Variants in MAP3K7CL observed in about 807,000 individuals in gnomAD.
MAP3K7CL encodes MAP3K7 C-terminal like, also known as MAP3K7 C-terminal-like protein.
Under a neutral mutation model 18.6 loss-of-function variants are expected in MAP3K7CL, and 16 were observed. That is an observed-to-expected ratio of 0.86 (90% CI 0.58 to 1.31). MAP3K7CL has a LOEUF of 1.31. Ranked by LOEUF, MAP3K7CL falls within the 50% of genes most tolerant of loss-of-function variation. MAP3K7CL has a pLI of 0.00. For missense variants in MAP3K7CL, 163 were observed against 174.4 expected, an observed-to-expected ratio of 0.93 and a Z score of 0.37; for synonymous variants, 65 against 66.8, an observed-to-expected ratio of 0.97 and a Z score of 0.13.
In MAP3K7CL at chr21:29,099,419, T is replaced by C. The variant is rs558073974; in HGVS notation, c.370+6838T>C. Among the ~76,000 whole-genome samples the C allele has an allele frequency of 2.5e-3, 387 of 152,180 alleles. 1 individual carries two copies. Among genetic ancestry groups the C allele is most frequent in the African/African-American group, 8.4e-3 (349 of 41,512 alleles). The stretch of plus-strand genomic sequence containing the variant: ...TGCGCCCAGCTAAAATACTAGTTTT[T>C]GAAGGCATTTAAAGGAGTTGAAAGA... On this transcript the variant is annotated intron_variant, in intron 4 of 6. Transcript: ENST00000286791.
intron 4 of MAP3K7CL, among the ~76,000 whole-genome samples, chr21:29,167,383 G>T (rs1229146101): frequency 1.3e-5 from 2 of 152,172 alleles, no homozygotes; most frequent in African/African-American, 4.8e-5. Context: ...TGTATAAAAT[G>T]ATGATTGGGG....
intron 2 of MAP3K7CL, among the ~76,000 whole-genome samples, chr21:29,136,841 A>T (rs1286640337): frequency 2.0e-5 from 3 of 152,168 alleles, no homozygotes; most frequent in Non-Finnish European, 4.4e-5. Context: ...ATTTCTGATA[A>T]GCCTAGCCTA....
intron 4 of MAP3K7CL, among the ~76,000 whole-genome samples, chr21:29,161,094 T>A (rs1336248096): frequency 6.6e-6 from 1 of 152,224 alleles, no homozygotes; most frequent in African/African-American, 2.4e-5. Flanking sequence ...GTAGATCACC[T>A]GAGGTCAGGA....
chr21:29,162,395 G>A (rs539866694), intron 4 of MAP3K7CL, among the ~76,000 whole-genome samples: 1 of 151,624 alleles, frequency 6.6e-6, no homozygotes, highest in Admixed American at 6.6e-5. Flanking sequence ...AAAAAATATG[G>A]TAGGGGCCAG....
chr21:29,135,105 C>A (rs183465171), intron 2 of MAP3K7CL, among the ~76,000 whole-genome samples: 1 of 151,974 alleles, frequency 6.6e-6, no homozygotes, highest in Non-Finnish European at 1.5e-5. Context: ...CATTAGTATT[C>A]CTTATGTACA....
chr21:29,101,015 C>CTTT (rs756025622), intron 4 of MAP3K7CL, among the ~76,000 whole-genome samples: 1 of 140,872 alleles, frequency 7.1e-6, no homozygotes, highest in Non-Finnish European at 1.6e-5. Context: ...CCCGGTCCCT[C>CTTT]TTTTTTTTTT....
chr21:29,125,172 G>A (rs1177048212), intron 4 of MAP3K7CL, among the ~76,000 whole-genome samples: 1 of 152,112 alleles, frequency 6.6e-6, no homozygotes, highest in Non-Finnish European at 1.5e-5. Flanking sequence ...ATTGTTGCAC[G>A]TACTTGTATT....
rs184762498 is a variant in MAP3K7CL, at chr21:29,116,064, A to G, written c.370+23483A>G. ...TATACTCTAGTGGTTTCTTCCGTGA[A>G]GCTCTTTCATTGAATCAGCATTTTT... On this transcript the variant is annotated intron_variant, in intron 4 of 6. Coordinates refer to the MAP3K7CL transcript ENST00000286791. Among the ~76,000 whole-genome samples the G allele has an allele frequency of 9.4e-4, 143 of 152,316 alleles. 1 individual carries two copies. Among genetic ancestry groups the G allele is most frequent in the Admixed American group, 2.5e-3 (38 of 15,292 alleles).
In MAP3K7CL at chr21:29,175,212, G is replaced by T. The variant is rs191047790; in HGVS notation, c.*320G>T. ...TAGAAAATGATAAAAATAGACTATT[G>T]ACTGACCCAGCTAAGAATCGTGGGC... On this transcript the variant is annotated 3_prime_UTR_variant, in exon 5 of 5. Transcript: ENST00000399928. 7 of 178,454 alleles carry T rather than the reference G, an allele frequency of 3.9e-5. No homozygotes were observed. Among genetic ancestry groups the T allele is most frequent in the Non-Finnish European group, 7.1e-5 (6 of 85,000 alleles). 11.1% of individuals were successfully genotyped at this position (178,454 alleles called of 1,614,324 possible). A position where few individuals can be genotyped will look rare whatever the true frequency, so the allele number is the denominator to read the frequency against.
At position 29,113,474 on chromosome 21, in the gene MAP3K7CL, GGT is replaced by G. The variant is rs1375738050; in HGVS notation, c.370+20894_370+20895del. 7.2e-5 allele frequency among the ~76,000 whole-genome samples: 11 copies of G among 152,192 alleles called. No homozygotes were observed. The East Asian group carries it at 1.9e-3, about 27-fold the overall frequency. ...ATGTGTAAATCTGAACAATCCACCTGGTTGCTCGCTCTGTGCTCACTGCGGCT... is the reference window on the plus strand; with the variant it reads ...ATGTGTAAATCTGAACAATCCACCTGTGCTCGCTCTGTGCTCACTGCGGCT... On this transcript the variant is annotated intron_variant, in intron 4 of 6. Coordinates refer to the MAP3K7CL transcript ENST00000286791.
intron 4 of MAP3K7CL, among the ~76,000 whole-genome samples, chr21:29,092,906 T>C (rs1327345101): frequency 2.6e-5 from 4 of 152,158 alleles, no homozygotes; most frequent in Admixed American, 1.3e-4. Context: ...ACTATGACTT[T>C]TTTGTTTTTG....
intron 4 of MAP3K7CL, among the ~76,000 whole-genome samples, chr21:29,105,015 A>G (rs932658100): frequency 6.6e-5 from 10 of 152,168 alleles, no homozygotes; most frequent in African/African-American, 2.4e-4. Flanking sequence ...CACGGGTAAG[A>G]CTTTCCCACA....
intron 4 of MAP3K7CL, among the ~76,000 whole-genome samples, chr21:29,163,556 C>T (rs966848023): frequency 3.3e-5 from 5 of 152,312 alleles, no homozygotes; most frequent in African/African-American, 1.2e-4. Context: ...TGCCTTGGAA[C>T]CTCTGTAGAA....
At position 29,174,795 on chromosome 21, in the gene MAP3K7CL, C is replaced by T. The variant is rs529502618; in HGVS notation, c.332C>T (p.Thr111Met). ...CTGGTTCGGGAATTCGAGGCTCTGA[C>T]GGAGGAGAATCGGACGTTGAGGTTG... Reference protein sequence around the residue: ...AELVREFEALTEENRTLRLAQ... With the variant: ...AELVREFEALMEENRTLRLAQ... The change falls in exon 5 of 5, where the codon ACG (threonine) becomes ATG (methionine). Residue 111 changes from threonine (T) to methionine (M), a missense_variant. Physicochemically the swap from Thr to Met is moderately conservative, Grantham distance 81. Transcript: ENST00000399928. 3.1e-5 allele frequency: 50 copies of T among 1,613,872 alleles called. No homozygotes were observed. The highest frequency in any genetic ancestry group is 3.3e-4 in the Middle Eastern group (2 of 6,084).
At position 29,113,884 on chromosome 21, in the gene MAP3K7CL, G is replaced by A. The variant is rs564213139; in HGVS notation, c.370+21303G>A. ...TGGCCTGTTCAGTGTTGCTCATATGGTTCTGGTCTGCACTGGGCGAGGGCA... is the reference window on the plus strand; with the variant it reads ...TGGCCTGTTCAGTGTTGCTCATATGATTCTGGTCTGCACTGGGCGAGGGCA... On this transcript the variant is annotated intron_variant, in intron 4 of 6. Transcript: ENST00000286791. Among the ~76,000 whole-genome samples the A allele has an allele frequency of 9.2e-5, 14 of 152,258 alleles. No individual in the cohort carries two copies. The South Asian group carries it at 2.9e-3, about 32-fold the overall frequency.
intron 4 of MAP3K7CL, among the ~76,000 whole-genome samples, chr21:29,121,548 A>G (rs1424187078): frequency 6.6e-6 from 1 of 152,112 alleles, no homozygotes; most frequent in Non-Finnish European, 1.5e-5. Flanking sequence ...TTTCTCATTC[A>G]CATGGGAGGT....
chr21:29,174,761 G>A lies in MAP3K7CL; in HGVS notation c.298G>A (p.Ala100Thr). The change falls in exon 5 of 5, where the codon GCT becomes ACT. Residue 100 changes from alanine to threonine, a missense_variant. Transcript: ENST00000399928. ...TCAGGCAGAAAAGGAGAAGGTGGAT[G>A]CTGCTGAGCTGGTTCGGGAATTCGA... Reference protein sequence around the residue: ...LDQAEKEKVDAAELVREFEAL... With the variant: ...LDQAEKEKVDTAELVREFEAL... 1 of 1,614,174 alleles carries A rather than the reference G, an allele frequency of 6.2e-7. No homozygotes were observed. The highest frequency in any genetic ancestry group is 8.5e-7 in the Non-Finnish European group (1 of 1,180,018).
chr21:29,094,225 C>A (rs771296486), intron 4 of MAP3K7CL, among the ~76,000 whole-genome samples: 11 of 152,190 alleles, frequency 7.2e-5, no homozygotes, highest in Admixed American at 1.3e-4. Context: ...CTAAACATCC[C>A]ACAATCCACA....
intron 4 of MAP3K7CL, among the ~76,000 whole-genome samples, chr21:29,114,004 T>G (rs2086463906): frequency 6.6e-6 from 1 of 152,200 alleles, no homozygotes; most frequent in Admixed American, 6.5e-5. Context: ...GGGTGCCTTT[T>G]CATTGATCTA....
Sources: gnomAD v4.1 joint callset for allele counts (sites outside exome capture counted in the v4.1 genomes callset) on GRCh38, gnomAD v4.1.1 for gene constraint, MANE v1.5 for transcripts, NCBI Gene and HGNC (gene_info 2026-07-23, HGNC 2026-07-21) for gene names.